FLOT1: variants seen among roughly 807,000 people sequenced by gnomAD.
FLOT1 encodes flotillin 1.
FLOT1 carries 40 observed loss-of-function variants against 58.4 expected under a neutral mutation model. That is an observed-to-expected ratio of 0.69 (90% CI 0.53 to 0.89). FLOT1 has a LOEUF of 0.89. Ranked by LOEUF, FLOT1 falls within the 40% of genes least tolerant of loss-of-function variation. FLOT1 has a pLI of 0.00. For synonymous variants in FLOT1, 178 were observed against 204.2 expected, an observed-to-expected ratio of 0.87 and a Z score of 1.09; for missense variants, 423 against 540.8, an observed-to-expected ratio of 0.78 and a Z score of 2.16.
chr6:30,729,123 G>A (rs1451585409), intron 12 of FLOT1, among the ~76,000 whole-genome samples: 1 of 149,660 alleles, frequency 6.7e-6, no homozygotes, highest in Non-Finnish European at 1.5e-5. Context: ...CACCCAGGCT[G>A]GAGTGCAGTG....
At position 30,737,259 on chromosome 6, in the gene FLOT1, T is replaced by C. The variant is rs1361270926; in HGVS notation, c.723+2899A>G. ...GTCCGTCCGTCCGTCCATCCGTCCA[T>C]CCATCCATCCATATATCTATCTTAG... On this transcript the variant is annotated intron_variant, in intron 8 of 12. Coordinates refer to ENST00000376389, the MANE Select transcript of FLOT1 (RefSeq NM_005803.4). The surrounding 1 kb of genome is among the most constrained non-coding windows in gnomAD (Gnocchi z 4.4). Among the ~76,000 whole-genome samples the C allele has an allele frequency of 1.8e-4, 28 of 151,620 alleles. 1 individual carries two copies. The highest frequency in any genetic ancestry group is 1.5e-3 in the Admixed American group (23 of 15,224).
In FLOT1 at chr6:30,740,181, C is replaced by A. The variant is rs1408643365; in HGVS notation, c.700G>T (p.Ala234Ser). Residue 234 changes from alanine (A) to serine (S), a missense_variant, in exon 8 of 13, where the codon GCT becomes TCT. By Grantham distance (99) the Ala-to-Ser change is moderately conservative. Coordinates refer to ENST00000376389, the MANE Select transcript of FLOT1 (RefSeq NM_005803.4). ...DIEVNTRRAQ[A>S]DLAYQLQVAK... is the part of the protein sequence containing the mutation. ...ACCTGAAGCTGATAGGCCAGGTCAG[C>A]CTGTGCTCGGCGGGTGTTGACCTCG... The A allele has an allele frequency of 4.3e-6, 7 of 1,613,012 alleles. No individual in the cohort carries two copies. The highest frequency in any genetic ancestry group is 5.9e-6 in the Non-Finnish European group (7 of 1,180,012).
At chr6:30,740,108 C>G (rs1581716935) in intron 8 of FLOT1, 50 bp downstream of exon 8, 2 of 1,449,670 alleles carry the variant, frequency 1.4e-6, no homozygotes, top group Non-Finnish European at 1.8e-6. Context: ...AGATGGACAG[C>G]CTGAGAGGAA....
In FLOT1 at chr6:30,737,254, G is replaced by GTCCA. The variant is rs1207078482; in HGVS notation, c.723+2900_723+2903dup. ...CGTCCGTCCGTCCGTCCGTCCATCC[G>GTCCA]TCCATCCATCCATCCATATATCTAT... On this transcript the variant is annotated intron_variant, in intron 8 of 12. Coordinates refer to ENST00000376389, the MANE Select transcript of FLOT1 (RefSeq NM_005803.4). This position sits in a 1 kb window ranked among gnomAD's most constrained non-coding sequence, Gnocchi z 4.4. 3.5e-5 allele frequency among the ~76,000 whole-genome samples: 5 copies of GTCCA among 143,230 alleles called. No individual in the cohort carries two copies. The highest frequency in any genetic ancestry group is 5.0e-5 in the African/African-American group (2 of 39,972). The allele number at this position is 143,230 out of a possible 152,430, so 94.0% of individuals were successfully genotyped here.
intron 8 of FLOT1, 38 bp downstream of exon 8, chr6:30,740,120 G>A (rs1010985644): frequency 7.5e-6 from 12 of 1,604,346 alleles, no homozygotes; most frequent in Non-Finnish European, 4.3e-6. Context: ...TGAGAGGAAT[G>A]GGGAAGGGGC....
intron 8 of FLOT1, among the ~76,000 whole-genome samples, chr6:30,734,984 G>A (rs1240684805): frequency 6.6e-6 from 1 of 152,216 alleles, no homozygotes. Context: ...CTGAAAGGAA[G>A]CTCTGAGTAT....
At chr6:30,728,515 G>T (rs571767206) in intron 12 of FLOT1, among the ~76,000 whole-genome samples, 66 of 151,344 alleles carry the variant, frequency 4.4e-4, no homozygotes, top group African/African-American at 1.6e-3. Flanking sequence ...TATCACCCAG[G>T]CTAGAATGCA....
intron 8 of FLOT1, among the ~76,000 whole-genome samples, chr6:30,733,400 A>G (rs74295299): frequency 0.074 from 11,256 of 152,232 alleles, 671 homozygotes; most frequent in African/African-American, 0.16. Flanking sequence ...TTAACTTTCC[A>G]TCAGAATTCT....
intron 8 of FLOT1, among the ~76,000 whole-genome samples, chr6:30,739,904 A>G (rs1777843389): frequency 6.9e-6 from 1 of 144,200 alleles, no homozygotes; most frequent in Non-Finnish European, 1.5e-5. Flanking sequence ...TCAAGCAATC[A>G]GCCCGCCTTG....
chr6:30,731,172 T>C, intron 8 of FLOT1, 72 bp from the exon 9 acceptor site: 2 of 1,445,698 alleles, frequency 1.4e-6, no homozygotes, highest in Non-Finnish European at 1.9e-6. Flanking sequence ...GAACCAGAGC[T>C]CCAGAGTGGG....
chr6:30,730,626 C>G, intron 10 of FLOT1, 56 bp downstream of exon 10: 1 of 1,613,848 alleles, frequency 6.2e-7, no homozygotes, highest in Non-Finnish European at 8.5e-7. Context: ...AATCCCCGAT[C>G]AAGCAGCAAC....
intron 8 of FLOT1, among the ~76,000 whole-genome samples, chr6:30,734,046 G>GAAAA (rs796499603): frequency 8.2e-5 from 4 of 48,800 alleles, no homozygotes; most frequent in East Asian, 6.4e-4. Flanking sequence ...CCCTGTCTCT[G>GAAAA]AAAAAAAAAA....
At chr6:30,740,386 AG>A (rs1025724830) in intron 7 of FLOT1, 76 bp from the exon 8 acceptor site, 1 of 1,594,694 alleles carries the variant, frequency 6.3e-7, no homozygotes, top group African/African-American at 1.3e-5. Context: ...CTTCCCACCA[AG>A]GTTCTCTTTC....
chr6:30,730,108 C>T lies in FLOT1; in HGVS notation c.1168G>A (p.Ala390Thr). 2 of 1,612,930 alleles carry T rather than the reference C, an allele frequency of 1.2e-6. No homozygotes were observed. The highest frequency in any genetic ancestry group is 1.7e-6 in the Non-Finnish European group (2 of 1,179,918). The change falls in exon 12 of 13, where the codon GCA (alanine) becomes ACA (threonine). Residue 390 changes from alanine (A) to threonine (T), a missense_variant. This residue lies in a region of FLOT1 where 42 missense variants were observed against 74.4 expected (regional missense o/e 0.56). Coordinates refer to ENST00000376389, the MANE Select transcript of FLOT1 (RefSeq NM_005803.4). The stretch of plus-strand genomic sequence containing the variant: ...AGTACTTCCCCAGTCACTTTGGCTG[C>T]CCCCATGGTCCCACTGCCGCTGGAC... ...LVSSGSGTMGAAKVTGEVLDI... is the reference protein window; with the variant it reads ...LVSSGSGTMGTAKVTGEVLDI...
At position 30,727,916 on chromosome 6, in the gene FLOT1, G is replaced by A; in HGVS notation, c.*200C>T. On this transcript the variant is annotated 3_prime_UTR_variant, in exon 13 of 13. Transcript: ENST00000376389. ...AGAAGGCTGACATGGGACCGCTGGA[G>A]TTGGCAATCATAGCAGTGTGAGGTT... The A allele has an allele frequency of 3.2e-6, 2 of 627,354 alleles. No individual in the cohort carries two copies. The highest frequency in any genetic ancestry group is 5.8e-6 in the Non-Finnish European group (2 of 346,774). 38.9% of individuals were successfully genotyped at this position (627,354 alleles called of 1,614,324 possible).
rs1207078482 is a variant in FLOT1 at position 30,737,254 on chromosome 6, G to GTCCATCCATCCA, written c.723+2892_723+2903dup. Among the ~76,000 whole-genome samples, 1 of 143,232 alleles carries GTCCATCCATCCA rather than the reference G, an allele frequency of 7.0e-6. No homozygotes were observed. Among genetic ancestry groups the GTCCATCCATCCA allele is most frequent in the Admixed American group, 7.1e-5 (1 of 14,150 alleles). The allele number at this position is 143,232 out of a possible 152,430, so 94.0% of individuals were successfully genotyped here. On this transcript the variant is annotated intron_variant, in intron 8 of 12. Transcript: ENST00000376389. The surrounding 1 kb of genome is among the most constrained non-coding windows in gnomAD (Gnocchi z 4.4). Reference sequence around the variant, plus strand: ...CGTCCGTCCGTCCGTCCGTCCATCCGTCCATCCATCCATCCATATATCTAT... The same window carrying GTCCATCCATCCA: ...CGTCCGTCCGTCCGTCCGTCCATCCGTCCATCCATCCATCCATCCATCCATCCATATATCTAT...
At chr6:30,729,638 C>T (rs1777005749) in intron 12 of FLOT1, among the ~76,000 whole-genome samples, 1 of 152,186 alleles carries the variant, frequency 6.6e-6, no homozygotes, top group South Asian at 2.1e-4. Flanking sequence ...GGTGAATTAA[C>T]TGGGGCGCTG....
Position 30,741,566 on chromosome 6 carries a change from A to G in FLOT1, c.210+48T>C. Reference sequence around the variant, plus strand: ...GAAGATGTCTTAATGTCTGGGAGAGAGGGTGATGGGGAAGTGGACTGTGGG... The same window carrying G: ...GAAGATGTCTTAATGTCTGGGAGAGGGGGTGATGGGGAAGTGGACTGTGGG... On this transcript the variant is annotated intron_variant, in intron 4 of 12. Coordinates refer to ENST00000376389, the MANE Select transcript of FLOT1 (RefSeq NM_005803.4). The surrounding 1 kb of genome is among the most constrained non-coding windows in gnomAD (Gnocchi z 5.9). 7.0e-7 allele frequency: 1 copy of G among 1,420,746 alleles called. No individual in the cohort carries two copies. Among genetic ancestry groups the G allele is most frequent in the Non-Finnish European group, 9.9e-7 (1 of 1,005,496 alleles). 88.0% of individuals were successfully genotyped at this position (1,420,746 alleles called of 1,614,324 possible). A position where few individuals can be genotyped will look rare whatever the true frequency, so the allele number is the denominator to read the frequency against.
At position 30,740,808 on chromosome 6, in the gene FLOT1, CAGG is replaced by C. The variant is rs761072513; in HGVS notation, c.355-13_355-11del. The C allele has an allele frequency of 6.7e-7, 1 of 1,485,282 alleles. No homozygotes were observed. The highest frequency in any genetic ancestry group is 1.1e-5 in the South Asian group (1 of 88,090). The allele number at this position is 1,485,282 out of a possible 1,614,324, so 92.0% of individuals were successfully genotyped here. ...TGTCCTTATAGATCTCCTGTGATAA[CAGG>C]ATGGTGGGGAGAAGGGATGTAAGTT... On this transcript the variant is annotated splice_polypyrimidine_tract_variant and intron_variant, in intron 5 of 12. Coordinates refer to ENST00000376389, the MANE Select transcript of FLOT1 (RefSeq NM_005803.4).
Sources: allele counts gnomAD v4.1 joint callset (sites outside exome capture counted in the v4.1 genomes callset), GRCh38; gene constraint gnomAD v4.1.1; regional missense constraint gnomAD v4.1.1; non-coding constraint Gnocchi (gnomAD v3.1); transcripts MANE v1.5; gene names NCBI Gene and HGNC (gene_info 2026-07-23, HGNC 2026-07-21).